DLC1: variants seen among roughly 807,000 people sequenced by gnomAD.
DLC1 encodes the protein DLC1 Rho GTPase activating protein, also known as rho GTPase-activating protein 7.
DLC1 carries 54 observed loss-of-function variants against 140.3 expected under a neutral mutation model. The ratio of observed to expected loss-of-function variants is 0.38; its 90% CI spans 0.31 to 0.48. DLC1 has a LOEUF of 0.48. Among genes scored for constraint, DLC1 ranks in the 20% least tolerant of loss-of-function variants. The pLI, the probability that DLC1 is intolerant of heterozygous loss-of-function variation, is 0.96. For missense variants in DLC1, 2,536 were observed against 1,907.0 expected (o/e 1.33, Z -6.14); for synonymous variants, 986 against 728.1 (o/e 1.35, Z -5.70).
chr8:13,333,585 G>A (rs1833693398), intron 4 of DLC1, among the ~76,000 whole-genome samples: 2 of 152,124 alleles, frequency 1.3e-5, no homozygotes, highest in African/African-American at 2.4e-5. Context: ...ACTGCTTAAC[G>A]AGGGCATTTC....
chr8:13,248,916 A>C (rs1829880025), intron 5 of DLC1, among the ~76,000 whole-genome samples: 1 of 152,076 alleles, frequency 6.6e-6, no homozygotes, highest in Non-Finnish European at 1.5e-5. Flanking sequence ...ACAGCTTTGC[A>C]GATAGAAATC....
upstream of DLC1, among the ~76,000 whole-genome samples, chr8:13,517,966 CT>C (rs1802643988): frequency 6.6e-6 from 1 of 152,124 alleles, no homozygotes; most frequent in Non-Finnish European, 1.5e-5. Context: ...TTTTTAGAAT[CT>C]TTCTCTCTCT....
intron 5 of DLC1, among the ~76,000 whole-genome samples, chr8:13,279,723 A>T (rs978924325): frequency 3.3e-5 from 5 of 152,208 alleles, no homozygotes; most frequent in Non-Finnish European, 7.3e-5. Flanking sequence ...TCTAATACAC[A>T]ACCAGTTTTA....
intron 8 of DLC1, 91 bp downstream of exon 8, chr8:13,102,699 T>G (rs1033218357): frequency 5.5e-5 from 63 of 1,142,126 alleles, no homozygotes; most frequent in Non-Finnish European, 2.9e-5. Flanking sequence ...AAACTAAGAG[T>G]TGGAGAAACA....
chr8:13,383,140 T>C (rs1472525772), intron 4 of DLC1, among the ~76,000 whole-genome samples: 2 of 152,144 alleles, frequency 1.3e-5, no homozygotes, highest in African/African-American at 4.8e-5. Context: ...AAAGGAAGAA[T>C]GACTCAAAGG....
chr8:13,096,603 G>C (rs770785864), intron 10 of DLC1, among the ~76,000 whole-genome samples: 3 of 152,082 alleles, frequency 2.0e-5, no homozygotes, highest in Non-Finnish European at 4.4e-5. Flanking sequence ...TGAAGCATGT[G>C]AGGATAAACC....
At chr8:13,354,572 G>A (rs1016780633) in intron 4 of DLC1, among the ~76,000 whole-genome samples, 1 of 152,084 alleles carries the variant, frequency 6.6e-6, no homozygotes, top group South Asian at 2.1e-4. Context: ...CACGCATCAA[G>A]CTCATTAGCA....
intron 2 of DLC1, among the ~76,000 whole-genome samples, chr8:13,413,546 T>G (rs922321473): frequency 1.3e-5 from 2 of 152,050 alleles, no homozygotes; most frequent in Non-Finnish European, 2.9e-5. Context: ...TCTGGAAGGA[T>G]ATCTGATATG....
At chr8:13,141,544 T>C (rs764724899) in intron 5 of DLC1, among the ~76,000 whole-genome samples, 1 of 152,176 alleles carries the variant, frequency 6.6e-6, no homozygotes, top group Non-Finnish European at 1.5e-5. Flanking sequence ...CGTTTTGTGC[T>C]CATTTGAACT....
chr8:13,262,405 G>C (rs569162888), intron 5 of DLC1, among the ~76,000 whole-genome samples: 3 of 149,934 alleles, frequency 2.0e-5, no homozygotes, highest in Middle Eastern at 3.4e-3. Flanking sequence ...TTTTTTTTAC[G>C]AAGTTTGACT....
intron 5 of DLC1, among the ~76,000 whole-genome samples, chr8:13,153,228 G>C (rs952733033): frequency 3.9e-5 from 6 of 152,178 alleles, no homozygotes; most frequent in Non-Finnish European, 7.3e-5. Flanking sequence ...TGGGTTCGTG[G>C]TCTCGCAGGC....
intron 1 of DLC1, among the ~76,000 whole-genome samples, chr8:13,603,851 G>C (rs569874385): frequency 5.9e-5 from 9 of 152,012 alleles, no homozygotes; most frequent in Non-Finnish European, 1.3e-4. Flanking sequence ...TGTTGATTAA[G>C]CGGCTCTGAA....
chr8:13,144,848 T>G lies in DLC1; in HGVS notation c.1349-29191A>C, dbSNP rs990060022. ...ACTGGTTCTGTTTTTCTGGAGAACC[T>G]TGACTAATACAGACCCCTAAGGAAG... On this transcript the variant is annotated intron_variant, in intron 5 of 17. Transcript: ENST00000276297. Among the ~76,000 whole-genome samples the G allele has an allele frequency of 5.3e-5, 8 of 152,194 alleles. No individual in the cohort carries two copies. The East Asian group carries it at 5.8e-4, about 11-fold the overall frequency.
At chr8:13,146,959 G>C (rs1006909829) in intron 5 of DLC1, among the ~76,000 whole-genome samples, 1 of 152,078 alleles carries the variant, frequency 6.6e-6, no homozygotes, top group African/African-American at 2.4e-5. Flanking sequence ...AAATCTCTCT[G>C]GGATGATCAA....
At chr8:13,118,829 C>G (rs748263079) in intron 5 of DLC1, among the ~76,000 whole-genome samples, 1 of 151,968 alleles carries the variant, frequency 6.6e-6, no homozygotes, top group Non-Finnish European at 1.5e-5. Context: ...GTAAACAACC[C>G]TCTCTTAAGA....
intron 5 of DLC1, among the ~76,000 whole-genome samples, chr8:13,198,305 A>C (rs1216091870): frequency 6.6e-6 from 1 of 152,184 alleles, no homozygotes; most frequent in Admixed American, 6.5e-5. Flanking sequence ...TCTCAGTTTC[A>C]TAGTTCTTCC....
intron 5 of DLC1, among the ~76,000 whole-genome samples, chr8:13,236,219 T>G (rs866666166): frequency 1.3e-5 from 2 of 152,068 alleles, no homozygotes; most frequent in Admixed American, 1.3e-4. Flanking sequence ...TGGATATACT[T>G]TCTTTAAGGT....
At chr8:13,309,569 G>A (rs1191560925) in intron 4 of DLC1, among the ~76,000 whole-genome samples, 1 of 152,154 alleles carries the variant, frequency 6.6e-6, no homozygotes, top group Non-Finnish European at 1.5e-5. Flanking sequence ...AAAGCTATAT[G>A]TGGGAGCTTA....
At chr8:13,434,000 C>T (rs1303833062) in intron 2 of DLC1, among the ~76,000 whole-genome samples, 2 of 152,142 alleles carry the variant, frequency 1.3e-5, no homozygotes, top group African/African-American at 4.8e-5. Context: ...CGATTACAGG[C>T]CTGTGCCACC....
Sources: gnomAD v4.1 joint callset for allele counts (sites outside exome capture counted in the v4.1 genomes callset) on GRCh38, gnomAD v4.1.1 for gene constraint, MANE v1.5 for transcripts, NCBI Gene and HGNC (gene_info 2026-07-23, HGNC 2026-07-21) for gene names.